DNAH9: variants seen among roughly 807,000 people sequenced by gnomAD.
DNAH9 encodes DNAH9 variant protein.
In DNAH9, 345 loss-of-function variants were observed where a neutral mutation model predicts 471.6. The ratio of observed to expected loss-of-function variants is 0.73; its 90% confidence interval spans 0.67 to 0.80. DNAH9 has a LOEUF of 0.80. DNAH9 is among the 30% of genes least tolerant of loss of function. The pLI is 0.00. For synonymous variants in DNAH9, 2,093 were observed against 2,123.6 expected (o/e 0.99, Z 0.40); for missense variants, 5,407 against 5,609.2 (o/e 0.96, Z 1.15).
chr17:11,883,086 C>G, intron 55 of DNAH9: 2 of 987,750 alleles, frequency 2.0e-6, no homozygotes, highest in Non-Finnish European at 2.4e-6. Context: ...CAGCACCCCA[C>G]TCCAGCCTCG....
chr17:11,701,330 A>G (rs985579653), intron 24 of DNAH9, 83 bp downstream of exon 24: 14 of 1,490,070 alleles, frequency 9.4e-6, no homozygotes, highest in Non-Finnish European at 1.2e-5. Context: ...CAGCTGGTAG[A>G]TATCAGGCTG....
chr17:11,637,683 C>T (rs997315615), intron 9 of DNAH9, among the ~76,000 whole-genome samples: 3 of 152,058 alleles, frequency 2.0e-5, no homozygotes, highest in African/African-American at 7.2e-5. Context: ...CTCAATAAGT[C>T]GTTATTGGAC....
intron 19 of DNAH9, among the ~76,000 whole-genome samples, chr17:11,686,164 C>T (rs1236313118): frequency 3.9e-5 from 6 of 152,066 alleles, no homozygotes; most frequent in Admixed American, 1.3e-4. Context: ...CAGATACAGA[C>T]GGTACTGAGA....
intron 48 of DNAH9, among the ~76,000 whole-genome samples, chr17:11,824,726 C>CT (rs35118923): frequency 6.6e-6 from 1 of 152,066 alleles, no homozygotes; most frequent in Non-Finnish European, 1.5e-5. Flanking sequence ...TTATCCTTTT[C>CT]TTTTTTCGGT....
At chr17:11,897,739 T>C (rs1973264483) in intron 59 of DNAH9, among the ~76,000 whole-genome samples, 1 of 152,206 alleles carries the variant, frequency 6.6e-6, no homozygotes, top group Non-Finnish European at 1.5e-5. Context: ...TGCAAAATGG[T>C]CGTCGTAATA....
At chr17:11,878,095 G>A (rs189684173) in intron 53 of DNAH9, among the ~76,000 whole-genome samples, 51 of 152,198 alleles carry the variant, frequency 3.4e-4, no homozygotes, top group African/African-American at 1.1e-3. Context: ...GCCTTCTCCC[G>A]AAACTTTAAT....
At chr17:11,672,936 C>T (rs2073994436) in intron 17 of DNAH9, among the ~76,000 whole-genome samples, 1 of 152,176 alleles carries the variant, frequency 6.6e-6, no homozygotes, top group Non-Finnish European at 1.5e-5. Flanking sequence ...ATCAGGATTT[C>T]CAATTCACTG....
chr17:11,669,598 C>G lies in DNAH9; in HGVS notation c.3157C>G (p.Pro1053Ala). ...GGAAGATGGCATCCCAGAGAACCCT[C>G]CCCTCCTTTCTCAGTTTAAAGTGCA... ...HVEDGIPENP[P>A]LLSQFKVQID... The change falls in exon 17 of 69, where the codon CCC (proline) becomes GCC (alanine). Residue 1053 changes from proline (P) to alanine (A), a missense_variant. Physicochemically the swap from Pro to Ala is conservative, Grantham distance 27. This residue lies in a region of DNAH9 where 4,636 missense variants were observed against 4,900.3 expected (regional missense o/e 0.95). Coordinates refer to ENST00000262442, the MANE Select transcript of DNAH9 (RefSeq NM_001372.4). The G allele has an allele frequency of 7.4e-6, 12 of 1,614,178 alleles. No individual in the cohort carries two copies. The highest frequency in any genetic ancestry group is 1.0e-5 in the Non-Finnish European group (12 of 1,180,026).
chr17:11,853,357 G>A (rs994336220), intron 49 of DNAH9: 2 of 152,488 alleles, frequency 1.3e-5, no homozygotes, highest in African/African-American at 4.8e-5. Flanking sequence ...TACAGATGAA[G>A]GTGGCAAGTT....
intron 34 of DNAH9, 26 bp from the exon 35 acceptor site, chr17:11,757,519 C>A (rs1426723412): frequency 6.3e-7 from 1 of 1,598,722 alleles, no homozygotes; most frequent in Non-Finnish European, 8.6e-7. Context: ...GGAATATTCA[C>A]TAAACTGTAT....
chr17:11,636,610 C>G (rs1200111667), intron 8 of DNAH9, 24 bp from the exon 9 acceptor site: 3 of 1,605,228 alleles, frequency 1.9e-6, no homozygotes, highest in Non-Finnish European at 1.7e-6. Flanking sequence ...TTTTTTTCCT[C>G]TTTTTCCTCC....
intron 35 of DNAH9, among the ~76,000 whole-genome samples, chr17:11,762,589 TTCA>T (rs1205129888): frequency 1.3e-5 from 2 of 151,988 alleles, no homozygotes; most frequent in African/African-American, 2.4e-5. Flanking sequence ...CTCCATTCAG[TTCA>T]TCATGATTGT....
At chr17:11,851,094 TTTG>T (rs139118005) in intron 49 of DNAH9, among the ~76,000 whole-genome samples, 2,349 of 148,042 alleles carry the variant, frequency 0.016, 45 homozygotes, top group African/African-American at 0.047. Flanking sequence ...TTGAGGTTGT[TTTG>T]TTGTTGTTGT....
intron 43 of DNAH9, among the ~76,000 whole-genome samples, chr17:11,801,757 C>T (rs1969471135): frequency 6.6e-6 from 1 of 152,120 alleles, no homozygotes; most frequent in African/African-American, 2.4e-5. Flanking sequence ...CCTGAAGAGC[C>T]ACCAGTATGT....
chr17:11,712,063 T>TAAA (rs2074864641), intron 26 of DNAH9, among the ~76,000 whole-genome samples: 17 of 1,090 alleles, frequency 0.016, 7 homozygotes, highest in Non-Finnish European at 0.12. Context: ...AATATATATA[T>TAAA]TTGTATATAT....
At chr17:11,763,903 G>A (rs1445754364) in intron 36 of DNAH9, among the ~76,000 whole-genome samples, 1 of 152,146 alleles carries the variant, frequency 6.6e-6, no homozygotes, top group Non-Finnish European at 1.5e-5. Flanking sequence ...TTGAACAACT[G>A]CTGGTATATA....
At chr17:11,643,184 AC>A (rs1388640423) in intron 10 of DNAH9, among the ~76,000 whole-genome samples, 1 of 152,166 alleles carries the variant, frequency 6.6e-6, no homozygotes, top group Non-Finnish European at 1.5e-5. Flanking sequence ...GTTGAGGGTA[AC>A]CGTACCTCGA....
Position 11,962,334 on chromosome 17 carries a change from C to A in DNAH9, c.13233+78C>A, listed in dbSNP as rs1976277823. On this transcript the variant is annotated intron_variant, in intron 68 of 68. Coordinates refer to ENST00000262442, the MANE Select transcript of DNAH9 (RefSeq NM_001372.4). This position sits in a 1 kb window ranked among gnomAD's most constrained non-coding sequence, Gnocchi z 4.1. ...CATTGCTTCCTATGAAGTGTGACTA[C>A]TAAAAGAGATATTCCTGAATCTTTT... The A allele has an allele frequency of 6.7e-7, 1 of 1,491,858 alleles. No homozygotes were observed. The highest frequency in any genetic ancestry group is 2.3e-5 in the Admixed American group (1 of 43,614). 92.4% of individuals were successfully genotyped at this position (1,491,858 alleles called of 1,614,324 possible). A position where few individuals can be genotyped will look rare whatever the true frequency, so the allele number is the denominator to read the frequency against.
intron 26 of DNAH9, among the ~76,000 whole-genome samples, chr17:11,712,377 T>C (rs1298606655): frequency 6.6e-6 from 1 of 151,522 alleles, no homozygotes; most frequent in Non-Finnish European, 1.5e-5. Context: ...TTATAAACAA[T>C]ACCGCTCTGA....
Sources: allele counts gnomAD v4.1 joint callset (sites outside exome capture counted in the v4.1 genomes callset), GRCh38; gene constraint gnomAD v4.1.1; regional missense constraint gnomAD v4.1.1; non-coding constraint Gnocchi (gnomAD v3.1); transcripts MANE v1.5; gene names NCBI Gene and HGNC (gene_info 2026-07-23, HGNC 2026-07-21).